The following SMYD4 variants were observed in gnomAD, a reference collection of about 807,000 sequenced individuals.
SMYD4 encodes the protein SET and MYND domain containing 4.
Under a neutral mutation model 72.8 loss-of-function variants are expected in SMYD4, and 68 were observed. The observed-to-expected ratio is 0.93, with a 90% confidence interval of 0.77 to 1.14. SMYD4 has a LOEUF of 1.14. Among genes scored for constraint, SMYD4 ranks in the 50% most tolerant of loss-of-function variants. SMYD4 has a pLI of 0.00. For missense variants in SMYD4, 984 were observed against 1,003.7 expected (o/e 0.98, Z 0.27); for synonymous variants, 407 against 388.6 (o/e 1.05, Z -0.56).
chr17:1,825,055 C>T (rs1378502499), intron 2 of SMYD4, among the ~76,000 whole-genome samples: 1 of 152,120 alleles, frequency 6.6e-6, no homozygotes, highest in East Asian at 1.9e-4. Flanking sequence ...CCTTCCCAGC[C>T]ATGTGTGAGT....
rs369929067 is a variant in SMYD4, at chr17:1,812,125, G to C, written c.135-10C>G. On this transcript the variant is annotated splice_polypyrimidine_tract_variant and intron_variant, in intron 2 of 10. Transcript: ENST00000305513. Reference sequence around the variant, plus strand: ...CAGCTCATCCTCAGGTCTGCATGAAGAAAGGAGGAAACAAAGTAAGCAGAA... The same window carrying C: ...CAGCTCATCCTCAGGTCTGCATGAACAAAGGAGGAAACAAAGTAAGCAGAA... 89 of 1,609,466 alleles carry C rather than the reference G, an allele frequency of 5.5e-5. No homozygotes were observed. Among genetic ancestry groups the C allele is most frequent in the Non-Finnish European group, 6.9e-5 (81 of 1,178,850 alleles).
rs1021749343 is a variant in SMYD4, at chr17:1,787,707, G to A, written c.1538-103C>T. 9.2e-6 allele frequency: 11 copies of A among 1,189,782 alleles called. No individual in the cohort carries two copies. In the African/African-American group the frequency reaches 1.1e-4, roughly 12 times the overall value. 73.7% of individuals were successfully genotyped at this position (1,189,782 alleles called of 1,614,324 possible). On this transcript the variant is annotated intron_variant, in intron 5 of 10. Coordinates refer to ENST00000305513, the MANE Select transcript of SMYD4 (RefSeq NM_052928.3). Reference sequence around the variant, plus strand: ...AGCTGGGCAGCTAGGCCTGCAGCCCGTGTGAGTCATGGCTCCACAGCCAGA... The same window carrying A: ...AGCTGGGCAGCTAGGCCTGCAGCCCATGTGAGTCATGGCTCCACAGCCAGA...
At chr17:1,820,578 G>C (rs767979047) in intron 2 of SMYD4, among the ~76,000 whole-genome samples, 1 of 151,976 alleles carries the variant, frequency 6.6e-6, no homozygotes, top group Non-Finnish European at 1.5e-5. Context: ...ATTAGTCTTC[G>C]AGCACGTCCT....
intron 2 of SMYD4, among the ~76,000 whole-genome samples, chr17:1,819,237 A>G (rs1454995881): frequency 3.3e-5 from 5 of 152,078 alleles, no homozygotes; most frequent in Non-Finnish European, 7.4e-5. Flanking sequence ...CATGCCTGTA[A>G]TCCCAGCTAC....
Position 1,823,393 on chromosome 17 carries a change from C to CAA in SMYD4, c.134+4466_134+4467dup, listed in dbSNP as rs57044082. 4.1e-3 allele frequency among the ~76,000 whole-genome samples: 266 copies of CAA among 65,562 alleles called. 5 individuals carry two copies. The highest frequency in any genetic ancestry group is 7.1e-3 in the East Asian group (12 of 1,702). 43.0% of individuals were successfully genotyped at this position (65,562 alleles called of 152,430 possible). ...TGGGTGACAGAGCGAGACTCCGTCT[C>CAA]AAAAAAAAAAAAAAAAAAAAAAAAA... On this transcript the variant is annotated intron_variant, in intron 2 of 10. Coordinates refer to ENST00000305513, the MANE Select transcript of SMYD4 (RefSeq NM_052928.3).
Position 1,800,433 on chromosome 17 carries a change from C to T in SMYD4, c.961G>A (p.Glu321Lys). ...AGCTCCCAGGCCTGCTGCAAACACTCCTGGCTGCAATACTTGGCATAACTG... is the reference window on the plus strand; with the variant it reads ...AGCTCCCAGGCCTGCTGCAAACACTTCTGGCTGCAATACTTGGCATAACTG... ...GCSYAKYCSQ[E>K]CLQQAWELYH... The change falls in exon 5 of 11, where the codon GAG becomes AAG. Residue 321 changes from glutamate (E) to lysine (K), a missense_variant. Glu to Lys is a moderately conservative substitution (Grantham distance 56). Transcript: ENST00000305513. 6.2e-7 allele frequency: 1 copy of T among 1,614,188 alleles called. No individual in the cohort carries two copies. The highest frequency in any genetic ancestry group is 8.5e-7 in the Non-Finnish European group (1 of 1,180,038).
chr17:1,809,815 G>A (rs190941108), intron 3 of SMYD4, among the ~76,000 whole-genome samples: 13 of 152,100 alleles, frequency 8.5e-5, no homozygotes, highest in African/African-American at 2.2e-4. Context: ...GACTACAGGC[G>A]CCCGCCACCG....
rs540988808 is a variant in SMYD4 at position 1,804,810 on chromosome 17, G to A, written c.280-95C>T. ...TCCGGGCTCTAGTACTGAAGACTGT[G>A]TGAAACTGGGAAAGTTACTGAACCT... On this transcript the variant is annotated intron_variant, in intron 3 of 10. Transcript: ENST00000305513. 8 of 1,221,232 alleles carry A rather than the reference G, an allele frequency of 6.6e-6. No individual in the cohort carries two copies. In the African/African-American group the frequency reaches 8.9e-5, roughly 14 times the overall value. 75.6% of individuals were successfully genotyped at this position (1,221,232 alleles called of 1,614,324 possible).
chr17:1,816,532 A>G (rs768772607), intron 2 of SMYD4, among the ~76,000 whole-genome samples: 4 of 151,630 alleles, frequency 2.6e-5, no homozygotes, highest in Non-Finnish European at 4.4e-5. Flanking sequence ...AGGCAAGAGA[A>G]TCACTTGAAC....
rs1404540309 is a variant in SMYD4, at chr17:1,785,239, C to T, written c.1885-778G>A. Among the ~76,000 whole-genome samples, 6 of 141,370 alleles carry T rather than the reference C, an allele frequency of 4.2e-5. No individual in the cohort carries two copies. The South Asian group carries it at 6.8e-4, about 16-fold the overall frequency. The allele number at this position is 141,370 out of a possible 152,430, so 92.7% of individuals were successfully genotyped here. ...GAGATCGAGACCATCCTGGCTAACA[C>T]GGTGAAACCCCGTCTCTACTAAAAA... On this transcript the variant is annotated intron_variant, in intron 7 of 10. Transcript: ENST00000305513.
intron 5 of SMYD4, among the ~76,000 whole-genome samples, chr17:1,798,359 C>T (rs986511397): frequency 5.9e-5 from 9 of 152,102 alleles, no homozygotes; most frequent in South Asian, 2.1e-4. Flanking sequence ...TGACCCACCC[C>T]GGCCTCCCAA....
At chr17:1,791,869 A>C (rs1420802697) in intron 5 of SMYD4, among the ~76,000 whole-genome samples, 1 of 152,144 alleles carries the variant, frequency 6.6e-6, no homozygotes, top group African/African-American at 2.4e-5. Context: ...CCTAAGTGAC[A>C]GAGTGAGACC....
intron 6 of SMYD4, 73 bp from the exon 7 acceptor site, chr17:1,787,046 A>G: frequency 6.4e-7 from 1 of 1,567,092 alleles, no homozygotes; most frequent in South Asian, 1.2e-5. Flanking sequence ...CCTTCAGCTT[A>G]GCAGAGGGTC....
chr17:1,797,656 G>C (rs757580908), intron 5 of SMYD4, among the ~76,000 whole-genome samples: 24 of 152,198 alleles, frequency 1.6e-4, no homozygotes, highest in Non-Finnish European at 2.6e-4. Flanking sequence ...AGAAGAATGG[G>C]AAATATCTCT....
intron 5 of SMYD4, among the ~76,000 whole-genome samples, chr17:1,796,236 C>CAATGG (rs908485268): frequency 2.0e-5 from 3 of 151,670 alleles, no homozygotes; most frequent in African/African-American, 7.3e-5. Flanking sequence ...TCGGCTCAAG[C>CAATGG]AATCCTCCTG....
At chr17:1,790,454 A>G (rs1908958692) in intron 5 of SMYD4, among the ~76,000 whole-genome samples, 1 of 152,194 alleles carries the variant, frequency 6.6e-6, no homozygotes, top group Non-Finnish European at 1.5e-5. Flanking sequence ...ATTTTGTATT[A>G]AAATAAAGAG....
At chr17:1,811,211 A>C (rs182620838) in intron 3 of SMYD4, among the ~76,000 whole-genome samples, 58 of 152,204 alleles carry the variant, frequency 3.8e-4, no homozygotes, top group African/African-American at 1.3e-3. Context: ...GCCCATCTAT[A>C]TGCTCCCCTA....
chr17:1,796,621 G>C lies in SMYD4; in HGVS notation c.1537+3236C>G, dbSNP rs187825388. ...CCAGCTAATTTTTGTATTTTTAGTA[G>C]AGATGGGGTTTCACCACGTTGGCCA... On this transcript the variant is annotated intron_variant, in intron 5 of 10. Coordinates refer to ENST00000305513, the MANE Select transcript of SMYD4 (RefSeq NM_052928.3). 7.2e-5 allele frequency among the ~76,000 whole-genome samples: 11 copies of C among 152,012 alleles called. No homozygotes were observed. In the East Asian group the frequency reaches 1.9e-3, roughly 27 times the overall value.
chr17:1,826,307 A>G (rs1911165473), intron 2 of SMYD4, among the ~76,000 whole-genome samples: 1 of 152,116 alleles, frequency 6.6e-6, no homozygotes, highest in African/African-American at 2.4e-5. Flanking sequence ...AGCCTGCCCA[A>G]CATGGCGAAA....
Sources: gnomAD v4.1 joint callset for allele counts (sites outside exome capture counted in the v4.1 genomes callset) on GRCh38, gnomAD v4.1.1 for gene constraint, MANE v1.5 for transcripts, NCBI Gene and HGNC (gene_info 2026-07-23, HGNC 2026-07-21) for gene names.